CNTN5: variants seen among roughly 807,000 people sequenced by gnomAD.
The protein encoded by CNTN5 is contactin 5.
Under a neutral mutation model 129.1 loss-of-function variants are expected in CNTN5, and 77 were observed. The ratio of observed to expected loss-of-function variants is 0.60; its 90% CI spans 0.50 to 0.72. The LOEUF (loss-of-function observed/expected upper bound fraction) is 0.72. Ranked by LOEUF, CNTN5 falls within the 30% of genes least tolerant of loss-of-function variation. CNTN5 has a pLI of 0.00. For synonymous variants in CNTN5, 509 were observed against 465.6 expected (o/e 1.09, Z -1.20); for missense variants, 1,478 against 1,328.8 (o/e 1.11, Z -1.75).
intron 2 of CNTN5, among the ~76,000 whole-genome samples, chr11:99,385,605 G>T (rs554895562): frequency 1.3e-5 from 2 of 152,162 alleles, no homozygotes; most frequent in Admixed American, 6.5e-5. Context: ...GTAAGAAAAA[G>T]GTCATAATGC....
intron 6 of CNTN5, among the ~76,000 whole-genome samples, chr11:99,871,288 C>G (rs919001080): frequency 4.0e-5 from 6 of 151,864 alleles, no homozygotes; most frequent in Non-Finnish European, 1.5e-5. Flanking sequence ...TTTAAATAAT[C>G]AGAGCTCTAC....
At chr11:100,105,908 G>C (rs1383899936) in intron 13 of CNTN5, among the ~76,000 whole-genome samples, 1 of 152,108 alleles carries the variant, frequency 6.6e-6, no homozygotes, top group Non-Finnish European at 1.5e-5. Flanking sequence ...AGTCAAACAA[G>C]CCTTTCTCTC....
intron 6 of CNTN5, among the ~76,000 whole-genome samples, chr11:99,906,214 G>C (rs541932934): frequency 6.6e-6 from 1 of 151,964 alleles, no homozygotes; most frequent in African/African-American, 2.4e-5. Flanking sequence ...GTCTTGTGCC[G>C]GTTTTCAAAG....
chr11:99,024,725 A>C (rs1863034990), intron 1 of CNTN5, among the ~76,000 whole-genome samples: 1 of 152,000 alleles, frequency 6.6e-6, no homozygotes, highest in South Asian at 2.1e-4. Context: ...CAGTGCAGGG[A>C]ACTGGGAACT....
chr11:99,808,805 A>G (rs1233119492), intron 3 of CNTN5, among the ~76,000 whole-genome samples: 1 of 152,184 alleles, frequency 6.6e-6, no homozygotes, highest in African/African-American at 2.4e-5. Flanking sequence ...TAGATGCTCC[A>G]ACATGAGTTA....
At chr11:100,311,865 A>G (rs1565420579) in intron 21 of CNTN5, among the ~76,000 whole-genome samples, 2 of 152,200 alleles carry the variant, frequency 1.3e-5, no homozygotes, top group South Asian at 2.1e-4. Context: ...AGTGACAGTC[A>G]AGACCATCAG....
intron 8 of CNTN5, among the ~76,000 whole-genome samples, chr11:99,995,399 A>AT (rs1939378620): frequency 6.6e-6 from 1 of 152,098 alleles, no homozygotes; most frequent in East Asian, 1.9e-4. Context: ...AACATTTTCC[A>AT]TCTAAACTTA....
At chr11:100,347,455 T>C (rs924347483) in intron 23 of CNTN5, among the ~76,000 whole-genome samples, 8 of 152,284 alleles carry the variant, frequency 5.3e-5, no homozygotes, top group African/African-American at 1.9e-4. Flanking sequence ...TTCATTATAG[T>C]ATCCTCTTTA....
At chr11:99,933,284 G>A (rs1183726729) in intron 7 of CNTN5, among the ~76,000 whole-genome samples, 5 of 152,224 alleles carry the variant, frequency 3.3e-5, no homozygotes, top group African/African-American at 1.2e-4. Context: ...TAATATTTGA[G>A]TCAACCCTTT....
chr11:100,211,470 G>C (rs920869041), intron 15 of CNTN5, among the ~76,000 whole-genome samples: 2 of 149,330 alleles, frequency 1.3e-5, no homozygotes, highest in Non-Finnish European at 3.0e-5. Context: ...GTCTGATATT[G>C]GGAAAAAAAA....
chr11:99,212,768 G>A (rs1400968195), intron 1 of CNTN5, among the ~76,000 whole-genome samples: 1 of 151,948 alleles, frequency 6.6e-6, no homozygotes, highest in Non-Finnish European at 1.5e-5. Context: ...AAATATCCAT[G>A]AGCAGAATGA....
intron 3 of CNTN5, among the ~76,000 whole-genome samples, chr11:99,632,993 C>T (rs1393322114): frequency 1.3e-5 from 2 of 151,932 alleles, no homozygotes; most frequent in Admixed American, 6.6e-5. Flanking sequence ...TGTTTGCATG[C>T]TAAAAAGATA....
intron 3 of CNTN5, among the ~76,000 whole-genome samples, chr11:99,814,814 G>A (rs77854741): frequency 0.015 from 2,341 of 152,102 alleles, 56 homozygotes; most frequent in African/African-American, 0.051. Flanking sequence ...TATAGAGAAC[G>A]TCTCCAAACT....
rs180875324 is a variant in CNTN5, at chr11:99,795,977, G to A, written c.56-23567G>A. Among the ~76,000 whole-genome samples, 210 of 152,328 alleles carry A rather than the reference G, an allele frequency of 1.4e-3. 1 individual carries two copies. Among genetic ancestry groups the A allele is most frequent in the Non-Finnish European group, 5.7e-4 (39 of 68,018 alleles). On this transcript the variant is annotated intron_variant, in intron 3 of 24. Transcript: ENST00000524871. The stretch of plus-strand genomic sequence containing the variant: ...TTCCCACATGCCAGCAGCAATGCTA[G>A]AGGGTGGAGTGCATGTGCATTAGCT...
At chr11:99,406,669 C>T (rs968024847) in intron 2 of CNTN5, among the ~76,000 whole-genome samples, 4 of 152,178 alleles carry the variant, frequency 2.6e-5, no homozygotes, top group African/African-American at 9.6e-5. Context: ...TGGACAGGTC[C>T]AGAGGTGCTA....
At chr11:99,656,820 A>T (rs1268699515) in intron 3 of CNTN5, among the ~76,000 whole-genome samples, 2 of 152,076 alleles carry the variant, frequency 1.3e-5, no homozygotes, top group African/African-American at 2.4e-5. Flanking sequence ...GGCAGCTTAT[A>T]AGCCTCTCTG....
chr11:99,158,297 T>C (rs940520092), intron 1 of CNTN5, among the ~76,000 whole-genome samples: 8 of 152,272 alleles, frequency 5.3e-5, no homozygotes, highest in Middle Eastern at 3.4e-3. Flanking sequence ...CAAAGAACCA[T>C]AGGGTCTTTG....
chr11:100,281,410 C>T (rs186900265), intron 18 of CNTN5, among the ~76,000 whole-genome samples: 83 of 150,980 alleles, frequency 5.5e-4, no homozygotes, highest in Admixed American at 1.4e-3. Flanking sequence ...TATGTCATAC[C>T]GCTCTCTCCT....
chr11:100,084,958 T>C (rs1039981385), intron 13 of CNTN5, among the ~76,000 whole-genome samples: 2 of 152,062 alleles, frequency 1.3e-5, no homozygotes, highest in African/African-American at 4.8e-5. Flanking sequence ...TGCATACAAA[T>C]TGATTGTGTG....
Sources: allele counts gnomAD v4.1 joint callset (sites outside exome capture counted in the v4.1 genomes callset), GRCh38; gene constraint gnomAD v4.1.1; transcripts MANE v1.5; gene names NCBI Gene and HGNC (gene_info 2026-07-23, HGNC 2026-07-21).